ZDHHC14: variants seen among roughly 807,000 people sequenced by gnomAD.
ZDHHC14 encodes palmitoyltransferase ZDHHC14.
A neutral mutation model predicts 47.7 loss-of-function variants in ZDHHC14; 16 were observed. The ratio of observed to expected loss-of-function variants is 0.34; its 90% confidence interval spans 0.23 to 0.51. The LOEUF (loss-of-function observed/expected upper bound fraction) is 0.51. Among genes scored for constraint, ZDHHC14 ranks in the 20% least tolerant of loss-of-function variants. The pLI, the probability that ZDHHC14 is intolerant of heterozygous loss-of-function variation, is 0.97. For missense variants in ZDHHC14, 515 were observed against 662.5 expected (o/e 0.78, Z 2.44); for synonymous variants, 293 against 278.9 (o/e 1.05, Z -0.50).
chr6:157,527,007 G>A (rs549384403), intron 1 of ZDHHC14, among the ~76,000 whole-genome samples: 2 of 152,288 alleles, frequency 1.3e-5, no homozygotes, highest in Admixed American at 1.3e-4. Flanking sequence ...CTTCTGAATA[G>A]GTACTTGATT....
chr6:157,602,668 G>A (rs892118717), intron 3 of ZDHHC14, among the ~76,000 whole-genome samples: 1 of 152,024 alleles, frequency 6.6e-6, no homozygotes, highest in African/African-American at 2.4e-5. Flanking sequence ...TTCAGGGCAG[G>A]CAGGGCATCC....
intron 2 of ZDHHC14, among the ~76,000 whole-genome samples, chr6:157,545,675 A>G (rs977840661): frequency 1.3e-5 from 2 of 152,040 alleles, no homozygotes; most frequent in African/African-American, 2.4e-5. Context: ...TCCCCCTAAA[A>G]AAAGAAAAAA....
At chr6:157,430,740 G>T (rs142681693) in intron 1 of ZDHHC14, among the ~76,000 whole-genome samples, 18 of 152,348 alleles carry the variant, frequency 1.2e-4, no homozygotes, top group Admixed American at 1.1e-3. Flanking sequence ...GGCGATTAGC[G>T]TATGGACATC....
chr6:157,440,845 CA>C lies in ZDHHC14; in HGVS notation c.245+58581del, dbSNP rs1778547853. Reference sequence around the variant, plus strand: ...ATGGGAAGTGACTGCTTCATGTGTACAAGTTTTCTTTTGAGATGGTGAAACT... The same window carrying C: ...ATGGGAAGTGACTGCTTCATGTGTACAGTTTTCTTTTGAGATGGTGAAACT... On this transcript the variant is annotated intron_variant, in intron 1 of 8. Coordinates refer to ENST00000359775, the MANE Select transcript of ZDHHC14 (RefSeq NM_024630.3). Among the ~76,000 whole-genome samples the C allele has an allele frequency of 2.0e-5, 3 of 152,314 alleles. No individual in the cohort carries two copies. In the East Asian group the frequency reaches 5.8e-4, roughly 29 times the overall value.
intron 1 of ZDHHC14, among the ~76,000 whole-genome samples, chr6:157,386,264 T>C (rs1583601125): frequency 6.6e-6 from 1 of 152,130 alleles, no homozygotes; most frequent in African/African-American, 2.4e-5. Context: ...CCTAGCACTT[T>C]GGGAGGCCGA....
At chr6:157,430,429 G>A (rs1305935544) in intron 1 of ZDHHC14, among the ~76,000 whole-genome samples, 1 of 151,926 alleles carries the variant, frequency 6.6e-6, no homozygotes, top group Non-Finnish European at 1.5e-5. Context: ...ATTCTTCCTG[G>A]AGGCCCCAGA....
intron 1 of ZDHHC14, among the ~76,000 whole-genome samples, chr6:157,480,234 G>GT (rs1229579844): frequency 5.0e-5 from 7 of 140,898 alleles, no homozygotes; most frequent in Non-Finnish European, 7.8e-5. Flanking sequence ...TTTGGGTCAG[G>GT]TTTTTTTTGT....
chr6:157,503,853 CACGGCTCATA>C (rs1369638957), intron 1 of ZDHHC14, among the ~76,000 whole-genome samples: 3 of 152,152 alleles, frequency 2.0e-5, no homozygotes, highest in South Asian at 2.1e-4. Flanking sequence ...GAGGAAACAG[CACGGCTCATA>C]TAAGGCTCGT....
chr6:157,496,855 C>A (rs1045695060), intron 1 of ZDHHC14, among the ~76,000 whole-genome samples: 3 of 152,240 alleles, frequency 2.0e-5, no homozygotes, highest in African/African-American at 7.2e-5. Context: ...ATGAACTGCC[C>A]AAGGGCTTCC....
intron 2 of ZDHHC14, among the ~76,000 whole-genome samples, chr6:157,581,709 G>A (rs1400446472): frequency 6.9e-6 from 1 of 145,448 alleles, no homozygotes; most frequent in East Asian, 1.9e-4. Context: ...TTGGTTTAAA[G>A]TCTGTTTTGT....
At chr6:157,534,242 A>G (rs922898770) in intron 1 of ZDHHC14, among the ~76,000 whole-genome samples, 4 of 152,172 alleles carry the variant, frequency 2.6e-5, no homozygotes, top group African/African-American at 9.7e-5. Context: ...CAGCAGCTCT[A>G]GGAAGAGCTT....
intron 1 of ZDHHC14, among the ~76,000 whole-genome samples, chr6:157,408,496 T>C (rs1777812588): frequency 6.6e-6 from 1 of 152,174 alleles, no homozygotes; most frequent in South Asian, 2.1e-4. Flanking sequence ...TTCCCCTCCC[T>C]GTGTCCATGT....
Position 157,632,855 on chromosome 6 carries a change from T to C in ZDHHC14, c.725T>C (p.Leu242Pro). 6.2e-7 allele frequency: 1 copy of C among 1,614,240 alleles called. No homozygotes were observed. Among genetic ancestry groups the C allele is most frequent in the Non-Finnish European group, 8.5e-7 (1 of 1,180,044 alleles). ...VILRSQQTGF[L>P]NALKDSPASV... ...ACAGGTTCACAGCAAACAGGATTCC[T>C]AAATGCCCTTAAGGACAGTCCTGCA... The change falls in exon 5 of 9, where the codon CTA (leucine) becomes CCA (proline). Residue 242 changes from leucine (L) to proline (P), a missense_variant. Coordinates refer to ENST00000359775, the MANE Select transcript of ZDHHC14 (RefSeq NM_024630.3).
At chr6:157,530,039 A>G (rs770988665) in intron 1 of ZDHHC14, among the ~76,000 whole-genome samples, 4 of 152,240 alleles carry the variant, frequency 2.6e-5, no homozygotes, top group Non-Finnish European at 4.4e-5. Context: ...GAAATGTTAT[A>G]TGTGAAACTG....
intron 3 of ZDHHC14, among the ~76,000 whole-genome samples, chr6:157,608,840 G>T (rs34162221): frequency 0.2 from 29,973 of 152,150 alleles, 3,059 homozygotes; most frequent in Middle Eastern, 0.23. Context: ...CGAGAGGGGG[G>T]GCTGTCCCCA....
intron 1 of ZDHHC14, among the ~76,000 whole-genome samples, chr6:157,440,372 C>T (rs1026302594): frequency 4.6e-5 from 7 of 151,984 alleles, no homozygotes; most frequent in African/African-American, 9.7e-5. Context: ...TCACACCCAC[C>T]GGGATTGTGA....
intron 3 of ZDHHC14, among the ~76,000 whole-genome samples, chr6:157,614,760 T>C (rs184224118): frequency 7.0e-4 from 103 of 146,282 alleles, no homozygotes; most frequent in Non-Finnish European, 1.3e-3. Context: ...AGCTTGAAAC[T>C]CTTCATGTTT....
intron 2 of ZDHHC14, among the ~76,000 whole-genome samples, chr6:157,576,084 C>T (rs930135019): frequency 4.6e-5 from 7 of 152,198 alleles, no homozygotes; most frequent in African/African-American, 1.7e-4. Context: ...GTGCTGCCTG[C>T]ATGTGGCTTG....
intron 1 of ZDHHC14, among the ~76,000 whole-genome samples, chr6:157,534,169 A>G (rs1228687228): frequency 6.6e-6 from 1 of 152,222 alleles, no homozygotes; most frequent in Non-Finnish European, 1.5e-5. Flanking sequence ...GTTTAGTGCC[A>G]GGACAAATCC....
Sources: allele counts gnomAD v4.1 joint callset (sites outside exome capture counted in the v4.1 genomes callset), GRCh38; gene constraint gnomAD v4.1.1; transcripts MANE v1.5; gene names NCBI Gene and HGNC (gene_info 2026-07-23, HGNC 2026-07-21).